The following CAPN11 variants were observed in gnomAD, a reference collection of about 807,000 sequenced individuals.
The protein encoded by CAPN11 is calpain-11.
In CAPN11, 108 loss-of-function variants were observed where a neutral mutation model predicts 105.3. That is an observed-to-expected ratio of 1.03 (90% CI 0.88 to 1.20). CAPN11 has a LOEUF of 1.20. Ranked by LOEUF, CAPN11 falls within the 50% of genes most tolerant of loss-of-function variation. CAPN11 has a pLI of 0.00. For missense variants in CAPN11, 883 were observed against 924.8 expected (o/e 0.95, Z 0.59); for synonymous variants, 329 against 344.5 (o/e 0.96, Z 0.50).
chr6:44,162,299 C>T (rs1768990981), intron 1 of CAPN11, among the ~76,000 whole-genome samples: 1 of 151,932 alleles, frequency 6.6e-6, no homozygotes, highest in Non-Finnish European at 1.5e-5. Context: ...TCGGAACCCT[C>T]TTCATCTGAA....
intron 13 of CAPN11, 38 bp from the exon 14 acceptor site, chr6:44,179,914 C>T (rs766143708): frequency 1.3e-6 from 2 of 1,520,520 alleles, no homozygotes; most frequent in South Asian, 1.1e-5. Flanking sequence ...CCCTAACCTC[C>T]CATGCCAGTC....
At chr6:44,162,341 GC>G (rs1298333446) in intron 1 of CAPN11, among the ~76,000 whole-genome samples, 4 of 144,518 alleles carry the variant, frequency 2.8e-5, no homozygotes, top group South Asian at 4.5e-4. Context: ...CGCCCCCGCA[GC>G]CCCCCTCACA....
intron 4 of CAPN11, 84 bp from the exon 5 acceptor site, chr6:44,172,218 C>T: frequency 1.2e-6 from 1 of 853,154 alleles, no homozygotes; most frequent in Non-Finnish European, 1.8e-6. Context: ...GGTCAAGTTC[C>T]TGCTCCCCTA....
intron 4 of CAPN11, 27 bp from the exon 5 acceptor site, chr6:44,172,275 G>T (rs1316173446): frequency 3.3e-6 from 5 of 1,493,642 alleles, no homozygotes; most frequent in Non-Finnish European, 2.7e-6. Context: ...TTGCTCAGGG[G>T]TGGCAAAGCC....
intron 5 of CAPN11, 87 bp from the exon 6 acceptor site, chr6:44,172,853 T>C: frequency 6.9e-7 from 1 of 1,447,122 alleles, no homozygotes; most frequent in Non-Finnish European, 9.4e-7. Flanking sequence ...GTGGAGCCTC[T>C]GACACTGGCG....
In CAPN11 at chr6:44,173,251, C is replaced by G; in HGVS notation, c.696C>G (p.Gly232=). Residue 232 remains glycine (G), a synonymous_variant, in exon 7 of 23, where the codon GGC becomes GGG. Coordinates refer to ENST00000398776, the MANE Select transcript of CAPN11 (RefSeq NM_007058.4). ...GGTCCTATGAAGCATTGTCAGGGGG[C>G]AGTACCATGGAGGGCCTTGAGGACT... ...LSGSYEALSG[G]STMEGLEDFT... The G allele has an allele frequency of 6.2e-7, 1 of 1,613,900 alleles. No homozygotes were observed. Among genetic ancestry groups the G allele is most frequent in the South Asian group, 1.1e-5 (1 of 91,082 alleles).
At chr6:44,169,222 C>G in intron 2 of CAPN11, 59 bp from the exon 3 acceptor site, 1 of 1,510,624 alleles carries the variant, frequency 6.6e-7, no homozygotes, top group Admixed American at 2.1e-5. Flanking sequence ...GAGTGAACCA[C>G]TGTGCCCAGC....
intron 1 of CAPN11, among the ~76,000 whole-genome samples, chr6:44,166,343 C>T (rs965566797): frequency 6.6e-6 from 1 of 152,170 alleles, no homozygotes; most frequent in Non-Finnish European, 1.5e-5. Context: ...TTTCACCCCG[C>T]GCCCAACCCT....
At position 44,176,848 on chromosome 6, in the gene CAPN11, C is replaced by T. The variant is rs371876157; in HGVS notation, c.1087C>T (p.Gln363Ter). The T allele has an allele frequency of 3.7e-6, 6 of 1,613,760 alleles. No individual in the cohort carries two copies. The highest frequency in any genetic ancestry group is 5.1e-6 in the Non-Finnish European group (6 of 1,179,848). Residue 363 changes from glutamine to a stop codon, truncating the protein, a stop_gained, in exon 11 of 23, where the codon CAA becomes TAA. Coordinates refer to ENST00000398776, the MANE Select transcript of CAPN11 (RefSeq NM_007058.4). LOFTEE classifies it high-confidence loss of function. ...TEDGEFWMSY[Q>*]DFLNNFTLLE... Reference sequence around the variant, plus strand: ...CCCACCCCACCACAGGATGTCCTACCAAGATTTCCTGAACAACTTCACGCT... The same window carrying T: ...CCCACCCCACCACAGGATGTCCTACTAAGATTTCCTGAACAACTTCACGCT...
At chr6:44,175,057 G>A (rs1390256841) in intron 7 of CAPN11, among the ~76,000 whole-genome samples, 1 of 152,208 alleles carries the variant, frequency 6.6e-6, no homozygotes, top group Non-Finnish European at 1.5e-5. Flanking sequence ...TGTGGTGATA[G>A]AAATGTTCTA....
At chr6:44,175,937 T>G (rs1399951553) in intron 7 of CAPN11, 131 bp from the exon 8 acceptor site, 1 of 611,876 alleles carries the variant, frequency 1.6e-6, no homozygotes, top group East Asian at 2.8e-5. Flanking sequence ...TATTTCAAAA[T>G]AATGATAATA....
chr6:44,183,639 G>C, intron 21 of CAPN11, 66 bp from the exon 22 acceptor site: 1 of 1,470,790 alleles, frequency 6.8e-7, no homozygotes, highest in Non-Finnish European at 9.5e-7. Context: ...TACCTAGTTG[G>C]GAGTGGTTCT....
At chr6:44,161,803 C>T (rs2128289265) in intron 1 of CAPN11, 1 of 456,250 alleles carries the variant, frequency 2.2e-6, no homozygotes, top group East Asian at 6.9e-5. Flanking sequence ...CCCAGGAGAG[C>T]TCAACACCCT....
intron 12 of CAPN11, among the ~76,000 whole-genome samples, chr6:44,178,748 ATT>A (rs778907258): frequency 7.2e-5 from 8 of 111,140 alleles, no homozygotes; most frequent in Non-Finnish European, 9.0e-5. Flanking sequence ...CCCTGTCTCG[ATT>A]AAAAAAAAAA....
chr6:44,161,533 G>A (rs1368720026), intron 1 of CAPN11, among the ~76,000 whole-genome samples: 1 of 152,150 alleles, frequency 6.6e-6, no homozygotes, highest in Non-Finnish European at 1.5e-5. Flanking sequence ...GTGGTGGTGT[G>A]GATAGGTGTG....
chr6:44,162,282 C>A (rs59448116), intron 1 of CAPN11, among the ~76,000 whole-genome samples: 230 of 151,998 alleles, frequency 1.5e-3, no homozygotes, highest in African/African-American at 5.3e-3. Context: ...TGCTTTCCAC[C>A]CTTCCCTCGG....
At chr6:44,177,138 T>C (rs1413747847) in intron 11 of CAPN11, 104 bp from the exon 12 acceptor site, 29 of 1,466,116 alleles carry the variant, frequency 2.0e-5, no homozygotes, top group Non-Finnish European at 2.7e-5. Context: ...ACAGCCCCTG[T>C]GGAGGAGACA....
Position 44,176,298 on chromosome 6 carries a change from C to A in CAPN11, c.961C>A (p.Pro321Thr). The change falls in exon 9 of 23, where the codon CCC becomes ACC. Residue 321 changes from proline to threonine, a missense_variant. By Grantham distance (38) the Pro-to-Thr change is conservative. Transcript: ENST00000398776. ...KMETLIRVRN[P>T]WGRIEWNGAW... is the part of the protein sequence containing the mutation. ...GGAAACACTGATTCGGGTCCGGAAT[C>A]CCTGGGGCCGGATTGAGTGGAATGG... 1 of 1,613,906 alleles carries A rather than the reference C, an allele frequency of 6.2e-7. No individual in the cohort carries two copies. Among genetic ancestry groups the A allele is most frequent in the Non-Finnish European group, 8.5e-7 (1 of 1,179,870 alleles).
At chr6:44,176,035 CCTCCATGCT>C (rs1395781867) in intron 7 of CAPN11, 24 bp from the exon 8 acceptor site, 1 of 1,500,086 alleles carries the variant, frequency 6.7e-7, no homozygotes, top group South Asian at 1.2e-5. Context: ...CCCTCCATGC[CCTCCATGCT>C]CTCCCTCCCT....
Sources: gnomAD v4.1 joint callset for allele counts (sites outside exome capture counted in the v4.1 genomes callset) on GRCh38, gnomAD v4.1.1 for gene constraint, MANE v1.5 for transcripts, NCBI Gene and HGNC (gene_info 2026-07-23, HGNC 2026-07-21) for gene names.